The following CNOT7 variants were observed in gnomAD, a reference collection of about 807,000 sequenced individuals.
CNOT7 encodes the protein BTG1-binding factor 1.
CNOT7 carries 4 observed loss-of-function variants against 37.1 expected under a neutral mutation model. That is an observed-to-expected ratio of 0.11 (90% confidence interval 0.05 to 0.25). The LOEUF is 0.25. Among genes scored for constraint, CNOT7 ranks in the 10% least tolerant of loss-of-function variants. The pLI is 1.00. For missense variants in CNOT7, 170 were observed against 336.2 expected, an observed-to-expected ratio of 0.51 and a Z score of 3.87; for synonymous variants, 128 against 115.6, an observed-to-expected ratio of 1.11 and a Z score of -0.69.
intron 2 of CNOT7, chr8:17,243,388 TATCCAAA>T (rs1305658984): frequency 1.1e-5 from 7 of 640,200 alleles, no homozygotes; most frequent in Admixed American, 5.3e-5. Flanking sequence ...TCCTTAAATA[TATCCAAA>T]AAGTTACTAT....
chr8:17,242,622 T>C, intron 3 of CNOT7: 1 of 161,846 alleles, frequency 6.2e-6, no homozygotes, highest in Non-Finnish European at 1.3e-5. Context: ...AACTGGAATA[T>C]GAATGCAACA....
Position 17,230,614 on chromosome 8 carries a change from AG to A in CNOT7, c.*105del, listed in dbSNP as rs938052476. 70 of 905,696 alleles carry A rather than the reference AG, an allele frequency of 7.7e-5. No homozygotes were observed. The highest frequency in any genetic ancestry group is 1.2e-4 in the South Asian group (4 of 34,228). The allele number at this position is 905,696 out of a possible 1,614,324, so 56.1% of individuals were successfully genotyped here. A position where few individuals can be genotyped will look rare whatever the true frequency, so the allele number is the denominator to read the frequency against. On this transcript the variant is annotated 3_prime_UTR_variant, in exon 7 of 7. Transcript: ENST00000361272. ...GGCAGACAATAAAATGGGCCATGAA[AG>A]GGGGGGGAAAGGTACTGTCTATTGT...
chr8:17,237,556 GAA>G, intron 3 of CNOT7, 183 bp from the exon 4 acceptor site: 1 of 551,650 alleles, frequency 1.8e-6, no homozygotes, highest in Non-Finnish European at 3.2e-6. Flanking sequence ...CATTATTTCA[GAA>G]AAGTGTTTCG....
Position 17,232,485 on chromosome 8 carries a change from T to C in CNOT7, c.671A>G (p.Gln224Arg), listed in dbSNP as rs1443002137. Residue 224 changes from glutamine (Q) to arginine (R), a missense_variant, in exon 6 of 7, where the codon CAA becomes CGA. Coordinates refer to ENST00000361272, the MANE Select transcript of CNOT7 (RefSeq NM_013354.7). ...CAATGAATCAGATCCTGCCTGATGT[T>C]GTGGTCCTATCCGTTCCAGCTCTAA... is the stretch of plus-strand genomic sequence containing the variant. The part of the protein sequence containing the change: ...EQLELERIGP[Q>R]HQAGSDSLLT... The C allele has an allele frequency of 1.2e-6, 2 of 1,614,136 alleles. No homozygotes were observed. Among genetic ancestry groups the C allele is most frequent in the Admixed American group, 1.7e-5 (1 of 60,018 alleles).
intron 6 of CNOT7, among the ~76,000 whole-genome samples, chr8:17,231,187 G>A (rs1288478472): frequency 6.6e-6 from 1 of 151,938 alleles, no homozygotes; most frequent in Non-Finnish European, 1.5e-5. Context: ...GATGGTGGGG[G>A]AAAAAAAGTT....
chr8:17,240,188 CT>C (rs1809967447), intron 3 of CNOT7, among the ~76,000 whole-genome samples: 1 of 152,196 alleles, frequency 6.6e-6, no homozygotes, highest in Non-Finnish European at 1.5e-5. Flanking sequence ...TTCCAAATGA[CT>C]TCTTCTACCT....
intron 3 of CNOT7, among the ~76,000 whole-genome samples, chr8:17,238,294 T>G (rs540631213): frequency 6.6e-6 from 1 of 152,340 alleles, no homozygotes; most frequent in East Asian, 1.9e-4. Flanking sequence ...TATTAAACAC[T>G]TGACAAATCT....
At chr8:17,236,613 A>C (rs1809398102) in intron 4 of CNOT7, among the ~76,000 whole-genome samples, 1 of 152,196 alleles carries the variant, frequency 6.6e-6, no homozygotes, top group Admixed American at 6.5e-5. Flanking sequence ...CTTTAAAAAA[A>C]AATTAAAATC....
At chr8:17,243,721 C>G (rs1810502245) in intron 2 of CNOT7, 1 of 451,788 alleles carries the variant, frequency 2.2e-6, no homozygotes, top group South Asian at 1.6e-5. Context: ...ATGCCACCTA[C>G]TCACTCTTGT....
intron 6 of CNOT7, among the ~76,000 whole-genome samples, chr8:17,231,227 G>A (rs1808561905): frequency 1.3e-5 from 2 of 152,082 alleles, no homozygotes; most frequent in South Asian, 2.1e-4. Flanking sequence ...AAATCTGTAT[G>A]CAAGGCTGAG....
rs943502041 is a variant in CNOT7 at position 17,225,882 on chromosome 8, T to C, written c.*4838A>G. On this transcript the variant is annotated 3_prime_UTR_variant, in exon 7 of 7. Transcript: ENST00000361272. ...TATAAATTCTAACACATTTATTTTA[T>C]AGACATGAGATAACATATGCATTCA... 3 of 151,698 alleles carry C rather than the reference T, an allele frequency of 2.0e-5. No homozygotes were observed. The highest frequency in any genetic ancestry group is 4.4e-5 in the Non-Finnish European group (3 of 67,694). The allele number at this position is 151,698 out of a possible 1,614,324, so 9.4% of individuals were successfully genotyped here. A position where few individuals can be genotyped will look rare whatever the true frequency, so the allele number is the denominator to read the frequency against.
rs1474241027 is a variant in CNOT7, at chr8:17,229,860, T to G, written c.*860A>C. On this transcript the variant is annotated 3_prime_UTR_variant, in exon 7 of 7. Transcript: ENST00000361272. Reference sequence around the variant, plus strand: ...AATTTAAAAAAAAAAAAAGGGTAAATGGTGATGGAATAAAAATAAGCAGAT... The same window carrying G: ...AATTTAAAAAAAAAAAAAGGGTAAAGGGTGATGGAATAAAAATAAGCAGAT... 5 of 145,746 alleles carry G rather than the reference T, an allele frequency of 3.4e-5. No individual in the cohort carries two copies. The East Asian group carries it at 1.0e-3, about 29-fold the overall frequency. 9.0% of individuals were successfully genotyped at this position (145,746 alleles called of 1,614,324 possible).
rs1810721768 is a variant in CNOT7 at position 17,245,065 on chromosome 8, C to T, written c.88G>A (p.Val30Ile). Reference sequence around the variant, plus strand: ...GCAACGTAATTATATTTTCGGATAACTTGACGAATTTTCTTCATCTCTTCA... The same window carrying T: ...GCAACGTAATTATATTTTCGGATAATTTGACGAATTTTCTTCATCTCTTCA... ...LDEEMKKIRQ[V>I]IRKYNYVAMD... Residue 30 changes from valine to isoleucine, a missense_variant, in exon 2 of 7, where the codon GTT becomes ATT. Physicochemically the swap from Val to Ile is conservative, Grantham distance 29. This residue lies in a region of CNOT7 where 38 missense variants were observed against 36.9 expected (regional missense o/e 1.03). Transcript: ENST00000361272. 1 of 1,613,702 alleles carries T rather than the reference C, an allele frequency of 6.2e-7. No individual in the cohort carries two copies. Among genetic ancestry groups the T allele is most frequent in the African/African-American group, 1.3e-5 (1 of 75,018 alleles).
chr8:17,239,981 G>A (rs1025790746), intron 3 of CNOT7, among the ~76,000 whole-genome samples: 15 of 152,298 alleles, frequency 9.8e-5, no homozygotes, highest in African/African-American at 3.4e-4. Flanking sequence ...AGGCAATAGA[G>A]AGAAAACAGA....
At chr8:17,241,203 T>C (rs887022128) in intron 3 of CNOT7, 1 of 152,000 alleles carries the variant, frequency 6.6e-6, no homozygotes, top group Non-Finnish European at 1.5e-5. Context: ...GTACCTGTAG[T>C]GCTAGCTACC....
At chr8:17,239,515 A>C (rs182047809) in intron 3 of CNOT7, among the ~76,000 whole-genome samples, 2 of 152,242 alleles carry the variant, frequency 1.3e-5, no homozygotes, top group Non-Finnish European at 2.9e-5. Context: ...TTCTTTTTTG[A>C]GACGGAGTCT....
chr8:17,234,943 TAAGCAAGTCACACTAG>T, intron 4 of CNOT7, 83 bp from the exon 5 acceptor site: 3 of 1,268,440 alleles, frequency 2.4e-6, no homozygotes, highest in Non-Finnish European at 3.2e-6. Flanking sequence ...GATTCAAATT[TAAGCAAGTCACACTAG>T]AGCCCTCCCA....
chr8:17,234,926 T>A, intron 4 of CNOT7, 66 bp from the exon 5 acceptor site: 1 of 1,410,292 alleles, frequency 7.1e-7, no homozygotes, highest in East Asian at 2.4e-5. Context: ...AAAAAAAAAG[T>A]TTTTCTGATT....
intron 3 of CNOT7, among the ~76,000 whole-genome samples, chr8:17,241,051 G>T (rs768890678): frequency 1.3e-5 from 2 of 152,172 alleles, no homozygotes; most frequent in Admixed American, 1.3e-4. Flanking sequence ...AGGTTCTGTA[G>T]ACTGTGCGTG....
Sources: allele counts gnomAD v4.1 joint callset (sites outside exome capture counted in the v4.1 genomes callset), GRCh38; gene constraint gnomAD v4.1.1; regional missense constraint gnomAD v4.1.1; transcripts MANE v1.5; gene names NCBI Gene and HGNC (gene_info 2026-07-23, HGNC 2026-07-21).